Variants in UGT1A6 observed in about 807,000 individuals in gnomAD.
UGT1A6 encodes UDP glucuronosyltransferase family 1 member A6.
In UGT1A6, 32 loss-of-function variants were observed where a neutral mutation model predicts 44.4. The observed-to-expected ratio is 0.72, with a 90% CI of 0.54 to 0.97. The LOEUF (loss-of-function observed/expected upper bound fraction) is 0.97, where lower values mean the gene tolerates loss of function less well. UGT1A6 is among the 50% of genes least tolerant of loss of function. UGT1A6 has a pLI of 0.00. For missense variants in UGT1A6, 685 were observed against 661.9 expected, an observed-to-expected ratio of 1.03 and a Z score of -0.38; for synonymous variants, 238 against 248.5, an observed-to-expected ratio of 0.96 and a Z score of 0.40.
At chr2:233,743,995 GC>G (rs1271235263) in intron 1 of UGT1A6, 1 of 1,246,764 alleles carries the variant, frequency 8.0e-7, no homozygotes. Flanking sequence ...AGGCCCGAGT[GC>G]TCGGAGACCT....
Position 233,729,252 on chromosome 2 carries a change from C to T in UGT1A6, c.861+35387C>T, listed in dbSNP as rs1553613077. ...TGCCCATTGATGGCAGCCACTGGCT[C>T]AGCATGCGGGAGGTCTTGCGGGAGC... On this transcript the variant is annotated intron_variant, in intron 1 of 4. Coordinates refer to ENST00000305139, the MANE Select transcript of UGT1A6 (RefSeq NM_001072.4). 65 of 1,614,244 alleles carry T rather than the reference C, an allele frequency of 4.0e-5. 3 individuals carry two copies. The South Asian group carries it at 6.7e-4, about 17-fold the overall frequency.
intron 1 of UGT1A6, chr2:233,741,807 T>C (rs561601493): frequency 6.6e-6 from 1 of 152,052 alleles, no homozygotes; most frequent in South Asian, 2.1e-4. Context: ...ATGCTGCTCT[T>C]AATTTTTTTC....
rs368882210 is a variant in UGT1A6 at position 233,718,907 on chromosome 2, A to G, written c.861+25042A>G. The G allele has an allele frequency of 5.1e-5, 83 of 1,614,008 alleles. No homozygotes were observed. In the East Asian group the frequency reaches 5.3e-4, roughly 10 times the overall value. On this transcript the variant is annotated intron_variant, in intron 1 of 4. Coordinates refer to ENST00000305139, the MANE Select transcript of UGT1A6 (RefSeq NM_001072.4). ...GTGTCCAGCCCTGGGCTGAGAGTGG[A>G]AAGGTGTTGGTGGTGCCCACTGATG...
chr2:233,744,585 T>G (rs560652902), intron 1 of UGT1A6, among the ~76,000 whole-genome samples: 1 of 151,910 alleles, frequency 6.6e-6, no homozygotes, highest in Non-Finnish European at 1.5e-5. Context: ...CGTTTTACAG[T>G]TTTTGCATCT....
At chr2:233,759,131 C>G (rs889675688) in intron 1 of UGT1A6, among the ~76,000 whole-genome samples, 5 of 152,174 alleles carry the variant, frequency 3.3e-5, no homozygotes, top group African/African-American at 9.6e-5. Context: ...GCCTCTGGTA[C>G]GCAATGAAGG....
intron 1 of UGT1A6, among the ~76,000 whole-genome samples, chr2:233,701,757 C>T (rs1242415662): frequency 1.3e-5 from 2 of 152,062 alleles, no homozygotes; most frequent in African/African-American, 4.8e-5. Flanking sequence ...GGGTACATAA[C>T]GAAATGAAGG....
chr2:233,695,130 C>CTTTTTTTTTT (rs71398796), intron 1 of UGT1A6, among the ~76,000 whole-genome samples: 1 of 138,840 alleles, frequency 7.2e-6, no homozygotes. Context: ...CTTTTCTTTT[C>CTTTTTTTTTT]TTTTTTTTTT....
At chr2:233,771,792 C>T (rs974191909) in intron 4 of UGT1A6, among the ~76,000 whole-genome samples, 6 of 151,492 alleles carry the variant, frequency 4.0e-5, no homozygotes, top group Non-Finnish European at 8.8e-5. Context: ...CTCTCCCTCC[C>T]TCCCTCCCTC....
At chr2:233,733,813 G>T (rs2078440329) in intron 1 of UGT1A6, among the ~76,000 whole-genome samples, 1 of 152,202 alleles carries the variant, frequency 6.6e-6, no homozygotes, top group East Asian at 1.9e-4. Context: ...GATGATGCTG[G>T]CCTCATAAAA....
intron 1 of UGT1A6, chr2:233,747,762 G>A: frequency 1.2e-6 from 2 of 1,613,366 alleles, no homozygotes; most frequent in South Asian, 2.2e-5. Context: ...AGACTTTAAG[G>A]GCACACAGTG....
At chr2:233,730,613 G>C (rs1454743444) in intron 1 of UGT1A6, among the ~76,000 whole-genome samples, 2 of 152,156 alleles carry the variant, frequency 1.3e-5, no homozygotes. Context: ...AGATTTTCTG[G>C]TCAGGATTTG....
At chr2:233,717,510 G>C (rs1057270188) in intron 1 of UGT1A6, among the ~76,000 whole-genome samples, 15 of 152,198 alleles carry the variant, frequency 9.9e-5, no homozygotes, top group African/African-American at 3.6e-4. Flanking sequence ...ATTTCTAATG[G>C]GAGTAACTTC....
At chr2:233,725,215 C>G (rs1487154592) in intron 1 of UGT1A6, among the ~76,000 whole-genome samples, 2 of 85,916 alleles carry the variant, frequency 2.3e-5, no homozygotes, top group African/African-American at 2.0e-4. Context: ...GAGGCAGAGG[C>G]AGAGGAGGCA....
intron 1 of UGT1A6, among the ~76,000 whole-genome samples, chr2:233,734,004 T>A (rs2078466874): frequency 6.6e-6 from 1 of 151,924 alleles, no homozygotes; most frequent in South Asian, 2.1e-4. Context: ...ATACCTAATG[T>A]TAAATGACGA....
At chr2:233,724,699 C>T (rs138869941) in intron 1 of UGT1A6, among the ~76,000 whole-genome samples, 60,257 of 142,328 alleles carry the variant, frequency 0.42, 15,342 homozygotes, top group African/African-American at 0.58. Context: ...GGTGAAGACG[C>T]TCCTCGCTTT....
chr2:233,735,501 C>A (rs1331221711), intron 1 of UGT1A6, among the ~76,000 whole-genome samples: 1 of 152,100 alleles, frequency 6.6e-6, no homozygotes, highest in African/African-American at 2.4e-5. Flanking sequence ...CAGCATTTAG[C>A]CCATTTACAT....
At chr2:233,699,279 C>A (rs2075495770) in intron 1 of UGT1A6, among the ~76,000 whole-genome samples, 1 of 152,096 alleles carries the variant, frequency 6.6e-6, no homozygotes, top group African/African-American at 2.4e-5. Context: ...TGAATCCAGG[C>A]CAGATGCTGG....
intron 1 of UGT1A6, among the ~76,000 whole-genome samples, chr2:233,750,023 T>C (rs1409167915): frequency 6.6e-6 from 1 of 152,000 alleles, no homozygotes; most frequent in African/African-American, 2.4e-5. Context: ...AGTGGAGTAC[T>C]GCTATAAAGA....
rs1229039578 is a variant in UGT1A6, at chr2:233,693,856, C to G, written c.852C>G (p.Asp284Glu). Residue 284 changes from aspartate to glutamate, a missense_variant, in exon 1 of 5, where the codon GAC becomes GAG. Asp to Glu is a conservative substitution (Grantham distance 45, BLOSUM62 2). Transcript: ENST00000305139. The part of the protein sequence containing the change: ...IGGINCKKRK[D>E]LSQEFEAYIN... ...GTATCAACTGTAAGAAGAGGAAAGA[C>G]TTGTCTCAGGTTGGTGGGTTTATTT... 10 of 1,614,076 alleles carry G rather than the reference C, an allele frequency of 6.2e-6. No homozygotes were observed. Among genetic ancestry groups the G allele is most frequent in the African/African-American group, 1.3e-5 (1 of 74,932 alleles).
Sources: gnomAD v4.1 joint callset for allele counts (sites outside exome capture counted in the v4.1 genomes callset) on GRCh38, gnomAD v4.1.1 for gene constraint, MANE v1.5 for transcripts, NCBI Gene and HGNC (gene_info 2026-07-23, HGNC 2026-07-21) for gene names.